Variants in TF observed in about 807,000 individuals in gnomAD.
TF encodes serotransferrin.
A neutral mutation model predicts 82.4 loss-of-function variants in TF; 55 were observed. That is an observed-to-expected ratio of 0.67 (90% CI 0.54 to 0.84). The LOEUF (loss-of-function observed/expected upper bound fraction) is 0.84. TF is among the 40% of genes least tolerant of loss of function. The pLI is 0.00. For synonymous variants in TF, 332 were observed against 332.6 expected (o/e 1.00, Z 0.02); for missense variants, 737 against 868.4 (o/e 0.85, Z 1.90).
the TF span, among the ~76,000 whole-genome samples, chr3:133,670,029 C>A: frequency 6.6e-6 from 1 of 152,190 alleles, no homozygotes; most frequent in African/African-American, 2.4e-5. Context: ...GTGCCCCATG[C>A]CGTTATTACT....
the TF span, among the ~76,000 whole-genome samples, chr3:133,694,883 TTTA>T: frequency 0.34 from 42,861 of 124,526 alleles, 6,876 homozygotes; most frequent in East Asian, 0.5. Flanking sequence ...TATTTATTTA[TTTA>T]TTATTATTAT....
At chr3:133,705,403 A>G in the TF span, among the ~76,000 whole-genome samples, 1 of 152,200 alleles carries the variant, frequency 6.6e-6, no homozygotes, top group Non-Finnish European at 1.5e-5. Flanking sequence ...ACCACAGTCT[A>G]AGACTCTGAA....
rs975725554 is a variant in TF, at chr3:133,786,348, A to G, written c.*7728A>G. ...TTTGTAAATCTTTTTGTTAAAATTCATATGTAATGTTGTTTTGGTTGGGGG... is the reference window on the plus strand; with the variant it reads ...TTTGTAAATCTTTTTGTTAAAATTCGTATGTAATGTTGTTTTGGTTGGGGG... On this transcript the variant is annotated 3_prime_UTR_variant, in exon 17 of 17. Transcript: ENST00000402696. The G allele has an allele frequency of 6.6e-6, 1 of 152,106 alleles. No homozygotes were observed. The highest frequency in any genetic ancestry group is 1.5e-5 in the Non-Finnish European group (1 of 68,054). The allele number at this position is 152,106 out of a possible 1,614,324, so 9.4% of individuals were successfully genotyped here. A position where few individuals can be genotyped will look rare whatever the true frequency, so the allele number is the denominator to read the frequency against.
chr3:133,783,534 A>T lies in TF; in HGVS notation c.*4914A>T, dbSNP rs1211407814. On this transcript the variant is annotated 3_prime_UTR_variant, in exon 17 of 17. Transcript: ENST00000402696. ...AACATATTTCTTATATAGTACTTAG[A>T]TTTTCCAACATTCCACAAACCTAGT... 1 of 152,218 alleles carries T rather than the reference A, an allele frequency of 6.6e-6. No individual in the cohort carries two copies. Among genetic ancestry groups the T allele is most frequent in the Admixed American group, 6.5e-5 (1 of 15,290 alleles). 9.4% of individuals were successfully genotyped at this position (152,218 alleles called of 1,614,324 possible). A position where few individuals can be genotyped will look rare whatever the true frequency, so the allele number is the denominator to read the frequency against.
the TF span, among the ~76,000 whole-genome samples, chr3:133,675,296 A>G: frequency 6.6e-6 from 1 of 151,724 alleles, no homozygotes; most frequent in Admixed American, 6.5e-5. Context: ...AGAGCAATAT[A>G]TGTGACATGA....
At chr3:133,674,191 A>G in the TF span, among the ~76,000 whole-genome samples, 33 of 152,292 alleles carry the variant, frequency 2.2e-4, 1 homozygote, top group African/African-American at 6.0e-4. Flanking sequence ...AAGCTTTTGT[A>G]TTTTTGAGAC....
chr3:133,730,156 T>G, the TF span, among the ~76,000 whole-genome samples: 23 of 152,262 alleles, frequency 1.5e-4, no homozygotes, highest in East Asian at 4.4e-3. Context: ...TTGCCAGAGC[T>G]GAAGAACCCA....
At chr3:133,673,685 G>A in the TF span, among the ~76,000 whole-genome samples, 1 of 151,826 alleles carries the variant, frequency 6.6e-6, no homozygotes, top group Non-Finnish European at 1.5e-5. Flanking sequence ...AAGATAATGG[G>A]TACCTTTGTG....
At position 133,768,193 on chromosome 3, in the gene TF, A is replaced by C. The variant is rs537112106; in HGVS notation, c.1622+29A>C. 9 of 1,613,798 alleles carry C rather than the reference A, an allele frequency of 5.6e-6. No homozygotes were observed. The African/African-American group carries it at 1.2e-4, about 22-fold the overall frequency. On this transcript the variant is annotated intron_variant, in intron 13 of 16. Transcript: ENST00000402696. ...AGTCTTTTAACCCTGAAACAAATAG[A>C]ATAATATACAAGCCCTGGCCAGATT...
intron 14 of TF, among the ~76,000 whole-genome samples, chr3:133,772,373 C>T (rs1934281188): frequency 6.6e-6 from 1 of 152,184 alleles, no homozygotes; most frequent in Non-Finnish European, 1.5e-5. Context: ...TTACTCTTTG[C>T]AATGACTCAA....
chr3:133,696,996 T>C, the TF span, among the ~76,000 whole-genome samples: 37 of 152,344 alleles, frequency 2.4e-4, no homozygotes, highest in African/African-American at 8.2e-4. Context: ...TTTTATAATG[T>C]CTGCTACTTG....
the TF span, among the ~76,000 whole-genome samples, chr3:133,685,967 C>A: frequency 6.6e-6 from 1 of 152,090 alleles, no homozygotes; most frequent in African/African-American, 2.4e-5. Context: ...GCTACAGTAA[C>A]CAAAACAGCA....
chr3:133,665,343 T>C, the TF span, among the ~76,000 whole-genome samples: 1 of 151,810 alleles, frequency 6.6e-6, no homozygotes, highest in African/African-American at 2.4e-5. Context: ...GGCGGGCATC[T>C]GTAGTCTCAG....
intron 2 of TF, among the ~76,000 whole-genome samples, chr3:133,748,885 C>T (rs1027784259): frequency 3.9e-5 from 6 of 152,110 alleles, no homozygotes; most frequent in African/African-American, 9.7e-5. Context: ...TCAGGCTGGG[C>T]GCGGTGGCTC....
chr3:133,752,202 C>T (rs1179369098), intron 2 of TF, among the ~76,000 whole-genome samples: 3 of 151,454 alleles, frequency 2.0e-5, no homozygotes, highest in African/African-American at 7.3e-5. Context: ...AAGCGATTCT[C>T]CTGCCTCAGC....
At chr3:133,742,480 G>T (rs1328590176), upstream of TF, among the ~76,000 whole-genome samples, 1 of 152,122 alleles carries the variant, frequency 6.6e-6, no homozygotes, top group Non-Finnish European at 1.5e-5. Flanking sequence ...GAGAGAGAGT[G>T]AGAGCGAGTG....
chr3:133,711,231 G>A, the TF span, among the ~76,000 whole-genome samples: 1 of 152,146 alleles, frequency 6.6e-6, no homozygotes, highest in Non-Finnish European at 1.5e-5. Flanking sequence ...CCAAAGGGGT[G>A]TTACACAAAC....
chr3:133,732,865 A>G, the TF span, among the ~76,000 whole-genome samples: 3 of 152,214 alleles, frequency 2.0e-5, no homozygotes, highest in East Asian at 3.8e-4. Context: ...TGGGGCACTG[A>G]GAGCTTGGGT....
At position 133,783,635 on chromosome 3, in the gene TF, T is replaced by C. The variant is rs1934569838; in HGVS notation, c.*5015T>C. ...GTAAGACAAAAATAGACAAATAAAATGTGAAGATTTTTAAGAAAGAACAAA... is the reference window on the plus strand; with the variant it reads ...GTAAGACAAAAATAGACAAATAAAACGTGAAGATTTTTAAGAAAGAACAAA... On this transcript the variant is annotated 3_prime_UTR_variant, in exon 17 of 17. Transcript: ENST00000402696. 6.6e-6 allele frequency: 1 copy of C among 152,118 alleles called. No homozygotes were observed. Among genetic ancestry groups the C allele is most frequent in the Admixed American group, 6.5e-5 (1 of 15,286 alleles). The allele number at this position is 152,118 out of a possible 1,614,324, so 9.4% of individuals were successfully genotyped here.
Sources: allele counts gnomAD v4.1 joint callset (sites outside exome capture counted in the v4.1 genomes callset), GRCh38; gene constraint gnomAD v4.1.1; transcripts MANE v1.5; gene names NCBI Gene and HGNC (gene_info 2026-07-23, HGNC 2026-07-21).